RORA: variants seen among roughly 807,000 people sequenced by gnomAD.
The protein encoded by RORA is RAR related orphan receptor A, also known as nuclear receptor ROR-alpha.
RORA carries 7 observed loss-of-function variants against 69.5 expected under a neutral mutation model. The ratio of observed to expected loss-of-function variants is 0.10; its 90% confidence interval spans 0.06 to 0.19. The LOEUF (loss-of-function observed/expected upper bound fraction) is 0.19. Among genes scored for constraint, RORA ranks in the 10% least tolerant of loss-of-function variants. The pLI is 1.00. For synonymous variants in RORA, 261 were observed against 240.8 expected, an observed-to-expected ratio of 1.08 and a Z score of -0.78; for missense variants, 457 against 663.0, an observed-to-expected ratio of 0.69 and a Z score of 3.41.
intron 1 of RORA, among the ~76,000 whole-genome samples, chr15:61,179,220 G>T (rs2079659599): frequency 6.6e-6 from 1 of 152,146 alleles, no homozygotes; most frequent in Admixed American, 6.5e-5. Context: ...CCTTGCAGGG[G>T]TCGACTCTTC....
At chr15:61,199,545 T>G (rs2079876333) in intron 1 of RORA, among the ~76,000 whole-genome samples, 1 of 152,214 alleles carries the variant, frequency 6.6e-6, no homozygotes, top group African/African-American at 2.4e-5. Context: ...CCCAGACCTG[T>G]GCTGCCTGCC....
At chr15:60,791,216 A>C (rs1355385768) in intron 1 of RORA, among the ~76,000 whole-genome samples, 1 of 152,086 alleles carries the variant, frequency 6.6e-6, no homozygotes, top group African/African-American at 2.4e-5. Context: ...AGGTCATCTC[A>C]TCTGTGATAT....
chr15:60,525,200 A>G (rs2066309522), intron 3 of RORA, among the ~76,000 whole-genome samples: 1 of 152,228 alleles, frequency 6.6e-6, no homozygotes, highest in Non-Finnish European at 1.5e-5. Flanking sequence ...GTTTCCATAC[A>G]GGTAGGAAAG....
At chr15:61,013,704 T>G (rs1395767229) in intron 1 of RORA, among the ~76,000 whole-genome samples, 1 of 151,788 alleles carries the variant, frequency 6.6e-6, no homozygotes, top group African/African-American at 2.4e-5. Context: ...TTTTAATTAA[T>G]GTATAGTATA....
intron 2 of RORA, among the ~76,000 whole-genome samples, chr15:60,568,906 T>C (rs1233574748): frequency 1.3e-5 from 2 of 149,644 alleles, no homozygotes; most frequent in Admixed American, 1.3e-4. Context: ...ATAGTTTTGA[T>C]ATTTTTCATA....
intron 1 of RORA, among the ~76,000 whole-genome samples, chr15:61,050,898 G>A (rs766090225): frequency 6.6e-6 from 1 of 152,216 alleles, no homozygotes; most frequent in Non-Finnish European, 1.5e-5. Flanking sequence ...ATACCTAGTA[G>A]GTGGTGAACA....
chr15:61,227,900 C>T (rs2080162605), intron 1 of RORA, among the ~76,000 whole-genome samples: 1 of 152,190 alleles, frequency 6.6e-6, no homozygotes. Flanking sequence ...ACTCCAGGCG[C>T]ATTCAAATAA....
At chr15:61,085,105 T>C (rs1380139139) in intron 1 of RORA, among the ~76,000 whole-genome samples, 1 of 151,928 alleles carries the variant, frequency 6.6e-6, no homozygotes, top group Non-Finnish European at 1.5e-5. Context: ...AAAGAGGAAG[T>C]TCACAGCAGG....
rs539793229 is a variant in RORA at position 60,615,858 on chromosome 15, G to C, written c.196+62799C>G. On this transcript the variant is annotated intron_variant, in intron 2 of 10. Coordinates refer to ENST00000335670, the MANE Select transcript of RORA (RefSeq NM_134261.3). ...ATGGAGTTCTGTGGATGGAGGTTGA[G>C]AGGGCTGCTTCGAAAATAACTCTGC... 5.9e-5 allele frequency among the ~76,000 whole-genome samples: 9 copies of C among 152,286 alleles called. 1 individual carries two copies. The South Asian group carries it at 1.7e-3, about 28-fold the overall frequency.
rs146366052 is a variant in RORA, at chr15:61,195,209, T to C, written c.166+33844A>G. On this transcript the variant is annotated intron_variant, in intron 1 of 10. Coordinates refer to ENST00000335670, the MANE Select transcript of RORA (RefSeq NM_134261.3). ...CAGCTGTTACTGCTGTCAGGATGGA[T>C]GTTACTTACATTCAGCTTCCAATAT... Among the ~76,000 whole-genome samples the C allele has an allele frequency of 1.8e-3, 268 of 152,210 alleles. 2 individuals are homozygous for C. The highest frequency in any genetic ancestry group is 6.2e-3 in the African/African-American group (259 of 41,522).
At chr15:60,820,333 T>C (rs2072877567) in intron 1 of RORA, among the ~76,000 whole-genome samples, 1 of 152,198 alleles carries the variant, frequency 6.6e-6, no homozygotes, top group African/African-American at 2.4e-5. Flanking sequence ...GTTTTAAGAT[T>C]GGACAGTATC....
intron 1 of RORA, among the ~76,000 whole-genome samples, chr15:60,793,546 T>C (rs200921432): frequency 4.5e-5 from 2 of 44,828 alleles, no homozygotes; most frequent in African/African-American, 1.4e-4. Flanking sequence ...TGCCAGTTTC[T>C]TAAGTCATCT....
intron 2 of RORA, among the ~76,000 whole-genome samples, chr15:60,559,500 G>C (rs969624775): frequency 6.6e-6 from 1 of 152,194 alleles, no homozygotes; most frequent in Non-Finnish European, 1.5e-5. Flanking sequence ...ATTCACTGTA[G>C]TGCTTGAACT....
At chr15:60,946,942 C>G (rs953938322) in intron 1 of RORA, among the ~76,000 whole-genome samples, 1 of 151,174 alleles carries the variant, frequency 6.6e-6, no homozygotes, top group Non-Finnish European at 1.5e-5. Context: ...AGGTGAGGAG[C>G]GTCTCTGCCC....
intron 1 of RORA, among the ~76,000 whole-genome samples, chr15:60,808,971 T>C (rs564061013): frequency 5.9e-5 from 9 of 152,048 alleles, no homozygotes; most frequent in Non-Finnish European, 1.3e-4. Context: ...AGCTAAGCTA[T>C]GAGGACACAA....
At chr15:61,043,635 C>T (rs1896886082) in intron 1 of RORA, among the ~76,000 whole-genome samples, 1 of 152,176 alleles carries the variant, frequency 6.6e-6, no homozygotes, top group Admixed American at 6.5e-5. Flanking sequence ...GCCTGTCATA[C>T]AGTTCCCTCC....
chr15:60,612,031 G>A (rs1417804062), intron 2 of RORA, among the ~76,000 whole-genome samples: 1 of 152,122 alleles, frequency 6.6e-6, no homozygotes, highest in African/African-American at 2.4e-5. Flanking sequence ...GCTTCTATCG[G>A]CTCTTTCCCT....
Position 60,614,857 on chromosome 15 carries a change from AGCT to A in RORA, c.196+63797_196+63799del, listed in dbSNP as rs1467475044. On this transcript the variant is annotated intron_variant, in intron 2 of 10. Coordinates refer to ENST00000335670, the MANE Select transcript of RORA (RefSeq NM_134261.3). The stretch of plus-strand genomic sequence containing the variant: ...GACACTGACATGCTTACATACATAT[AGCT>A]GCCTGGAGCATAGTAAGCTCTCAAA... The A allele has an allele frequency of 1.9e-6, 3 of 1,570,254 alleles. No homozygotes were observed. The South Asian group carries it at 3.4e-5, about 18-fold the overall frequency.
chr15:60,933,973 C>T (rs148331072), intron 1 of RORA, among the ~76,000 whole-genome samples: 191 of 152,320 alleles, frequency 1.3e-3, no homozygotes, highest in Non-Finnish European at 2.2e-3. Context: ...TGATGAGAAG[C>T]GCATTGGAGT....
Sources: allele counts gnomAD v4.1 joint callset (sites outside exome capture counted in the v4.1 genomes callset), GRCh38; gene constraint gnomAD v4.1.1; transcripts MANE v1.5; gene names NCBI Gene and HGNC (gene_info 2026-07-23, HGNC 2026-07-21).